The following RCOR1 variants were observed in gnomAD, a reference collection of about 807,000 sequenced individuals.
The protein encoded by RCOR1 is REST corepressor.
In RCOR1, 12 loss-of-function variants were observed where a neutral mutation model predicts 64.0. The ratio of observed to expected loss-of-function variants is 0.19; its 90% confidence interval spans 0.12 to 0.30. The LOEUF is 0.30. RCOR1 is among the 10% of genes least tolerant of loss of function. RCOR1 has a pLI of 1.00. For missense variants in RCOR1, 502 were observed against 621.2 expected (o/e 0.81, Z 2.04); for synonymous variants, 279 against 227.2 (o/e 1.23, Z -2.05).
At chr14:102,721,232 A>G (rs1300309026) in intron 9 of RCOR1, 88 bp from the exon 10 acceptor site, 3 of 1,283,644 alleles carry the variant, frequency 2.3e-6, no homozygotes, top group Admixed American at 1.8e-5. Context: ...TAAAATTCCG[A>G]TAAGAGAAAA....
At chr14:102,699,423 G>C (rs1320813662) in intron 3 of RCOR1, among the ~76,000 whole-genome samples, 1 of 152,170 alleles carries the variant, frequency 6.6e-6, no homozygotes, top group Non-Finnish European at 1.5e-5. Context: ...TTTGTCAATG[G>C]AATATTTTTC....
At chr14:102,693,302 G>A (rs542423859) in intron 3 of RCOR1, among the ~76,000 whole-genome samples, 2 of 151,380 alleles carry the variant, frequency 1.3e-5, no homozygotes, top group African/African-American at 4.8e-5. Flanking sequence ...TTCCATAAGG[G>A]CAGAGATTGT....
intron 2 of RCOR1, among the ~76,000 whole-genome samples, chr14:102,616,048 C>T (rs917648709): frequency 1.3e-5 from 2 of 152,176 alleles, no homozygotes; most frequent in Non-Finnish European, 2.9e-5. Flanking sequence ...TGATAGTGAA[C>T]GTAAACCTTC....
At chr14:102,610,850 A>T (rs1301608694) in intron 2 of RCOR1, among the ~76,000 whole-genome samples, 1 of 152,088 alleles carries the variant, frequency 6.6e-6, no homozygotes, top group African/African-American at 2.4e-5. Context: ...CACCGTGCCC[A>T]GCCCAAAAGC....
intron 2 of RCOR1, among the ~76,000 whole-genome samples, chr14:102,631,289 G>A (rs1324062994): frequency 1.3e-5 from 2 of 150,778 alleles, no homozygotes; most frequent in South Asian, 2.1e-4. Context: ...GGCAAGCCTC[G>A]CCTCCCAGGT....
intron 2 of RCOR1, among the ~76,000 whole-genome samples, chr14:102,618,145 T>C (rs547269399): frequency 2.6e-5 from 4 of 151,938 alleles, no homozygotes; most frequent in African/African-American, 9.6e-5. Flanking sequence ...GGCTAATTTT[T>C]GTATTTTTAG....
chr14:102,607,648 C>T (rs192773835), intron 2 of RCOR1, among the ~76,000 whole-genome samples: 1 of 152,212 alleles, frequency 6.6e-6, no homozygotes, highest in East Asian at 1.9e-4. Context: ...CTTTGAGAGG[C>T]TGAGGTGGGC....
intron 2 of RCOR1, among the ~76,000 whole-genome samples, chr14:102,671,335 G>A (rs1895028990): frequency 6.6e-6 from 1 of 152,116 alleles, no homozygotes; most frequent in Non-Finnish European, 1.5e-5. Flanking sequence ...ACCCAAGCAG[G>A]TGTTCTAATG....
chr14:102,715,819 C>T (rs1896058689), intron 8 of RCOR1, among the ~76,000 whole-genome samples: 1 of 152,148 alleles, frequency 6.6e-6, no homozygotes, highest in Non-Finnish European at 1.5e-5. Flanking sequence ...CAAAGTGGTC[C>T]TGTCATTTTA....
chr14:102,726,485 C>T lies in RCOR1; in HGVS notation c.1437C>T (p.Val479=). ...GGCCTCAGGCTCCTGTTCTGGATGTCAGATATGCATCTGCCTCCTGAGAAA... is the reference window on the plus strand; with the variant it reads ...GGCCTCAGGCTCCTGTTCTGGATGTTAGATATGCATCTGCCTCCTGAGAAA... The part of the protein sequence containing the change: ...EEEDEAPVLD[V]RYASAS The change falls in exon 12 of 12, where the codon GTC becomes GTT. Residue 479 remains valine, a synonymous_variant. Coordinates refer to ENST00000262241, the MANE Select transcript of RCOR1 (RefSeq NM_015156.4). 6.3e-7 allele frequency: 1 copy of T among 1,589,122 alleles called. No individual in the cohort carries two copies.
intron 8 of RCOR1, among the ~76,000 whole-genome samples, chr14:102,716,480 GTGT>G (rs1251579160): frequency 6.6e-6 from 1 of 151,902 alleles, no homozygotes; most frequent in African/African-American, 2.4e-5. Context: ...AGTCTTAGAA[GTGT>G]TGTTTTACCT....
chr14:102,692,081 G>A (rs1446983171), intron 3 of RCOR1, among the ~76,000 whole-genome samples: 1 of 152,190 alleles, frequency 6.6e-6, no homozygotes, highest in African/African-American at 2.4e-5. Flanking sequence ...TCTAGTGTGA[G>A]TATAACACTG....
chr14:102,659,275 C>T, intron 2 of RCOR1: 1 of 984,956 alleles, frequency 1.0e-6, no homozygotes, highest in African/African-American at 1.7e-5. Flanking sequence ...TTGGCCTTCA[C>T]TATCAAAACA....
intron 2 of RCOR1, among the ~76,000 whole-genome samples, chr14:102,635,577 ATAT>A (rs1278519308): frequency 2.0e-5 from 3 of 152,182 alleles, no homozygotes; most frequent in South Asian, 2.1e-4. Context: ...AAAAGTAGCT[ATAT>A]TATTATTAAA....
intron 2 of RCOR1, among the ~76,000 whole-genome samples, chr14:102,642,730 G>A (rs115383443): frequency 0.09 from 13,666 of 152,134 alleles, 669 homozygotes; most frequent in Middle Eastern, 0.17. Context: ...CAGGTACTCG[G>A]GATGCTGAGA....
chr14:102,704,320 G>A (rs921161335), intron 4 of RCOR1, among the ~76,000 whole-genome samples: 10 of 152,164 alleles, frequency 6.6e-5, no homozygotes, highest in African/African-American at 2.4e-4. Flanking sequence ...CTGATCCCAG[G>A]GTAGGTGGCT....
intron 8 of RCOR1, among the ~76,000 whole-genome samples, chr14:102,715,792 A>C (rs1595243992): frequency 6.6e-6 from 1 of 152,190 alleles, no homozygotes; most frequent in East Asian, 1.9e-4. Flanking sequence ...TTTCAACCTG[A>C]GAGCTAAACA....
chr14:102,616,782 T>C (rs1893770936), intron 2 of RCOR1, among the ~76,000 whole-genome samples: 1 of 152,182 alleles, frequency 6.6e-6, no homozygotes, highest in Non-Finnish European at 1.5e-5. Flanking sequence ...GCAAGCTCTC[T>C]GAACCCAATC....
chr14:102,593,824 C>T (rs2139871623), intron 2 of RCOR1, among the ~76,000 whole-genome samples: 1 of 152,286 alleles, frequency 6.6e-6, no homozygotes, highest in Non-Finnish European at 1.5e-5. Flanking sequence ...GCCCTCCCAT[C>T]CAGAAGGCGA....
Sources: gnomAD v4.1 joint callset for allele counts (sites outside exome capture counted in the v4.1 genomes callset) on GRCh38, gnomAD v4.1.1 for gene constraint, MANE v1.5 for transcripts, NCBI Gene and HGNC (gene_info 2026-07-23, HGNC 2026-07-21) for gene names.